The following SI variants were observed in gnomAD, a reference collection of about 807,000 sequenced individuals.
SI encodes sucrase-isomaltase, intestinal.
In SI, 235 loss-of-function variants were observed where a neutral mutation model predicts 253.3. The observed-to-expected ratio is 0.93, with a 90% CI of 0.83 to 1.03. SI has a LOEUF of 1.03. Among genes scored for constraint, SI ranks in the 50% least tolerant of loss-of-function variants. The pLI is 0.00. For missense variants in SI, 2,442 were observed against 2,211.1 expected (o/e 1.10, Z -2.09); for synonymous variants, 819 against 712.0 (o/e 1.15, Z -2.39).
At chr3:165,086,781 G>A in the SI span, among the ~76,000 whole-genome samples, 1 of 152,172 alleles carries the variant, frequency 6.6e-6, no homozygotes, top group African/African-American at 2.4e-5. Flanking sequence ...TTAATGCCAT[G>A]CAAGTGAGTA....
intron 46 of SI, 33 bp from the exon 47 acceptor site, chr3:164,982,443 CTT>C (rs774950107): frequency 6.6e-7 from 1 of 1,519,016 alleles, no homozygotes; most frequent in Non-Finnish European, 9.1e-7. Flanking sequence ...AACATAAACA[CTT>C]TATTTGCAAA....
intron 45 of SI, among the ~76,000 whole-genome samples, chr3:164,983,539 A>G (rs547515681): frequency 3.2e-4 from 49 of 152,234 alleles, no homozygotes; most frequent in Admixed American, 3.2e-3. Context: ...CTAAAATTAA[A>G]CTGGCAAAAT....
At position 165,075,922 on chromosome 3, in the gene SI, AAAC is replaced by A. The variant is rs745861484; in HGVS notation, c.88_90del (p.Val30del). The A allele has an allele frequency of 1.9e-6, 3 of 1,598,284 alleles. No individual in the cohort carries two copies. The highest frequency in any genetic ancestry group is 2.2e-5 in the South Asian group (2 of 90,502). On this transcript the variant is annotated inframe_deletion, in exon 2 of 48. Coordinates refer to ENST00000264382, the MANE Select transcript of SI (RefSeq NM_001041.4). ...TCAACAGCAGGTGTCTTAGTTGCTAAAACAACAATTAAGGCAATAGCTATTATA... is the reference window on the plus strand; with the variant it reads ...TCAACAGCAGGTGTCTTAGTTGCTAAAACAATTAAGGCAATAGCTATTATA...
chr3:165,067,483 A>G lies in SI; in HGVS notation c.492T>C (p.Asp164=). ...GAACTTCATATCTTCTATTATTTGG[A>G]TCAGTAATCTGGAAAGATTTAAGCA... The part of the protein sequence containing the change: ...TPNRFRFKIT[D]PNNRRYEVPH... The change falls in exon 6 of 48, where the codon GAT becomes GAC. Residue 164 remains aspartate, a synonymous_variant. Transcript: ENST00000264382. The G allele has an allele frequency of 1.2e-6, 2 of 1,608,904 alleles. No homozygotes were observed. The highest frequency in any genetic ancestry group is 1.7e-6 in the Non-Finnish European group (2 of 1,175,638).
upstream of SI, among the ~76,000 whole-genome samples, chr3:165,080,529 T>A (rs971383626): frequency 6.6e-6 from 1 of 151,850 alleles, no homozygotes; most frequent in African/African-American, 2.4e-5. Context: ...TAGACTGGAT[T>A]AAGAAAATGT....
intron 12 of SI, among the ~76,000 whole-genome samples, chr3:165,056,800 G>T (rs1480532255): frequency 6.6e-6 from 1 of 152,102 alleles, no homozygotes; most frequent in East Asian, 1.9e-4. Context: ...TACAGCTGCA[G>T]TTAACAAAGA....
At chr3:165,032,405 C>T (rs761378595) in intron 24 of SI, 117 bp downstream of exon 24, 44 of 624,892 alleles carry the variant, frequency 7.0e-5, no homozygotes, top group Non-Finnish European at 8.0e-5. Flanking sequence ...AAGGAAGCAA[C>T]GAAGGGAAGA....
At chr3:165,008,991 T>C (rs1292113627) in intron 35 of SI, among the ~76,000 whole-genome samples, 1 of 152,006 alleles carries the variant, frequency 6.6e-6, no homozygotes, top group Non-Finnish European at 1.5e-5. Context: ...TATTCCTATA[T>C]TAAATAAAAG....
chr3:165,058,863 C>CACACAA, intron 12 of SI, 100 bp downstream of exon 12: 1 of 845,408 alleles, frequency 1.2e-6, no homozygotes, highest in East Asian at 2.6e-5. Context: ...CAGACATACA[C>CACACAA]ACACACACAC....
At position 165,043,174 on chromosome 3, in the gene SI, AC is replaced by A; in HGVS notation, c.1888del (p.Val630LeufsTer60). 6.3e-7 allele frequency: 1 copy of A among 1,593,404 alleles called. No individual in the cohort carries two copies. The highest frequency in any genetic ancestry group is 1.7e-4 in the Middle Eastern group (1 of 5,824). ...CACAAATCCACAGATGTCTGCTCCA[AC>A]CTAAATAACAAATATATTTACTATT... The part of the protein sequence containing the change: ...LEFSLFGIPL[V>X]GADICGFVAE... On this transcript the variant is annotated frameshift_variant and splice_region_variant, in exon 17 of 48. Transcript: ENST00000264382. LOFTEE classifies it high-confidence loss of function.
chr3:165,084,098 G>A, the SI span, among the ~76,000 whole-genome samples: 1 of 151,962 alleles, frequency 6.6e-6, no homozygotes, highest in Non-Finnish European at 1.5e-5. Context: ...AGGTCATTGA[G>A]ATGGAGCTCT....
rs185488128 is a variant in SI at position 165,000,583 on chromosome 3, A to G, written c.4407-1910T>C. 7.7e-4 allele frequency among the ~76,000 whole-genome samples: 116 copies of G among 151,588 alleles called. 1 individual carries two copies. In the South Asian group the frequency reaches 0.024, roughly 31 times the overall value. ...ATTGTTAATTGTAAATTAAAATAAA[A>G]CTATAAAATAAATGAGGTATTTTCA... On this transcript the variant is annotated intron_variant, in intron 37 of 47. Coordinates refer to ENST00000264382, the MANE Select transcript of SI (RefSeq NM_001041.4).
chr3:165,033,488 A>G, intron 22 of SI, 44 bp from the exon 23 acceptor site: 1 of 1,438,246 alleles, frequency 7.0e-7, no homozygotes, highest in African/African-American at 1.4e-5. Flanking sequence ...GCAATGTTAA[A>G]TTCTCTGCTC....
chr3:165,081,031 C>T (rs941044164), upstream of SI, among the ~76,000 whole-genome samples: 43 of 151,948 alleles, frequency 2.8e-4, no homozygotes, highest in African/African-American at 8.9e-4. Flanking sequence ...TAAGCAATTA[C>T]TTCTGCCACC....
chr3:164,979,647 G>A (rs1420662519), intron 47 of SI, among the ~76,000 whole-genome samples: 2 of 151,572 alleles, frequency 1.3e-5, no homozygotes, highest in African/African-American at 4.8e-5. Flanking sequence ...TCTCAGAAAG[G>A]TGAAGTTGCT....
chr3:165,004,344 G>T (rs1718400224), intron 37 of SI, among the ~76,000 whole-genome samples: 1 of 152,156 alleles, frequency 6.6e-6, no homozygotes, highest in African/African-American at 2.4e-5. Flanking sequence ...CTCTTTCGCT[G>T]TTGGTAAGAA....
At position 165,023,700 on chromosome 3, in the gene SI, T is replaced by A; in HGVS notation, c.2969A>T (p.Tyr990Phe). Reference sequence around the variant, plus strand: ...GTCAGCTGTTATACCCATGGATGAATAGCGAGCTGAGTTGACTGAATAAGA... The same window carrying A: ...GTCAGCTGTTATACCCATGGATGAAAAGCGAGCTGAGTTGACTGAATAAGA... ...DNSYSVNSAR[Y>F]SSMGITADLQ... The change falls in exon 26 of 48, where the codon TAT becomes TTT. Residue 990 changes from tyrosine to phenylalanine, a missense_variant. Tyr to Phe is a conservative substitution (Grantham distance 22, BLOSUM62 3). Transcript: ENST00000264382. The A allele has an allele frequency of 6.2e-7, 1 of 1,610,774 alleles. No homozygotes were observed. The highest frequency in any genetic ancestry group is 8.5e-7 in the Non-Finnish European group (1 of 1,177,798).
chr3:165,030,783 A>G lies in SI; in HGVS notation c.2821T>C (p.Phe941Leu), dbSNP rs1712186703. ...AAATCTGCATCTGGATAACAATTAA[A>G]TCTTTCATTTTCTGAGAAAATTTGA... The part of the protein sequence containing the change: ...WNQIFSENER[F>L]NCYPDADLAT... Residue 941 changes from phenylalanine to leucine, a missense_variant, in exon 25 of 48, where the codon TTT becomes CTT. Coordinates refer to ENST00000264382, the MANE Select transcript of SI (RefSeq NM_001041.4). The G allele has an allele frequency of 6.2e-7, 1 of 1,607,518 alleles. No homozygotes were observed. The highest frequency in any genetic ancestry group is 8.5e-7 in the Non-Finnish European group (1 of 1,176,432).
intron 30 of SI, 23 bp from the exon 31 acceptor site, chr3:165,017,696 A>C (rs562497259): frequency 6.2e-7 from 1 of 1,610,654 alleles, no homozygotes; most frequent in Non-Finnish European, 8.5e-7. Context: ...TTCATGTGTG[A>C]ACTAAGAGAA....
Sources: gnomAD v4.1 joint callset for allele counts (sites outside exome capture counted in the v4.1 genomes callset) on GRCh38, gnomAD v4.1.1 for gene constraint, MANE v1.5 for transcripts, NCBI Gene and HGNC (gene_info 2026-07-23, HGNC 2026-07-21) for gene names.